KALRN: variants seen among roughly 807,000 people sequenced by gnomAD.
KALRN encodes kalirin.
KALRN carries 70 observed loss-of-function variants against 353.7 expected under a neutral mutation model. That is an observed-to-expected ratio of 0.20 (90% confidence interval 0.16 to 0.24). The LOEUF is 0.24. Among genes scored for constraint, KALRN ranks in the 10% least tolerant of loss-of-function variants. The pLI is 1.00. For missense variants in KALRN, 2,791 were observed against 3,756.7 expected, an observed-to-expected ratio of 0.74 and a Z score of 6.72; for synonymous variants, 1,391 against 1,434.8, an observed-to-expected ratio of 0.97 and a Z score of 0.69.
intron 27 of KALRN, among the ~76,000 whole-genome samples, chr3:124,480,628 A>G (rs1031412378): frequency 2.0e-5 from 3 of 152,122 alleles, no homozygotes; most frequent in Non-Finnish European, 2.9e-5. Flanking sequence ...ATGTGCAACC[A>G]TCCCTTCAGT....
At chr3:124,262,417 T>C (rs536874901) in intron 3 of KALRN, among the ~76,000 whole-genome samples, 4 of 152,354 alleles carry the variant, frequency 2.6e-5, no homozygotes, top group Admixed American at 6.5e-5. Flanking sequence ...TCTCTTATAA[T>C]GGGAAAGAAA....
chr3:124,666,654 T>C lies in KALRN; in HGVS notation c.6531+20T>C. ...ATCAAGGTGAGGATCCCAATGGTGA[T>C]GAGAAGAGGCAAGGAAGAGCCCAGT... is the stretch of plus-strand genomic sequence containing the variant. On this transcript the variant is annotated intron_variant, in intron 46 of 59. Transcript: ENST00000682506. 1 of 1,607,800 alleles carries C rather than the reference T, an allele frequency of 6.2e-7. No homozygotes were observed. The highest frequency in any genetic ancestry group is 8.5e-7 in the Non-Finnish European group (1 of 1,174,874).
intron 1 of KALRN, among the ~76,000 whole-genome samples, chr3:124,050,800 T>G (rs1228723619): frequency 6.6e-6 from 1 of 152,176 alleles, no homozygotes; most frequent in Non-Finnish European, 1.5e-5. Flanking sequence ...CTTAATATGT[T>G]AGTGGGAGCT....
At chr3:124,235,520 G>C (rs1455770589) in intron 3 of KALRN, among the ~76,000 whole-genome samples, 1 of 152,198 alleles carries the variant, frequency 6.6e-6, no homozygotes, top group Non-Finnish European at 1.5e-5. Flanking sequence ...GAAGAGAAGA[G>C]AGCTTCACTT....
At position 124,605,996 on chromosome 3, in the gene KALRN, T is replaced by G. The variant is rs531393992; in HGVS notation, c.5183-26424T>G. On this transcript the variant is annotated intron_variant, in intron 34 of 59. Coordinates refer to ENST00000682506, the MANE Select transcript of KALRN (RefSeq NM_001388419.1). ...GAGGCTTGATTGGAAAACCTACTTC[T>G]GATTAACCACCAACTTCACCCTCCT... is the stretch of plus-strand genomic sequence containing the variant. Among the ~76,000 whole-genome samples, 25 of 152,278 alleles carry G rather than the reference T, an allele frequency of 1.6e-4. 1 individual carries two copies. The highest frequency in any genetic ancestry group is 6.0e-4 in the African/African-American group (25 of 41,554).
In KALRN at chr3:124,720,684, C is replaced by G. The variant is rs910040072; in HGVS notation, c.*1214C>G. 3.3e-5 allele frequency: 5 copies of G among 152,434 alleles called. No individual in the cohort carries two copies. Among genetic ancestry groups the G allele is most frequent in the African/African-American group, 1.2e-4 (5 of 41,456 alleles). The allele number at this position is 152,434 out of a possible 1,614,324, so 9.4% of individuals were successfully genotyped here. On this transcript the variant is annotated 3_prime_UTR_variant, in exon 60 of 60. Transcript: ENST00000682506. Reference sequence around the variant, plus strand: ...TGTCACCATGCAGCCGCTGATAGTTCTCTGAACTAAAAGGACTAATTGTAC... The same window carrying G: ...TGTCACCATGCAGCCGCTGATAGTTGTCTGAACTAAAAGGACTAATTGTAC...
At chr3:124,195,181 A>T (rs2075307639) in intron 1 of KALRN, among the ~76,000 whole-genome samples, 1 of 152,172 alleles carries the variant, frequency 6.6e-6, no homozygotes, top group Non-Finnish European at 1.5e-5. Context: ...CATTTTTACT[A>T]TAGCCCCTCA....
At chr3:124,707,427 T>TTCCTTCCTTCCTTCCTTCCC (rs1299062158) in intron 57 of KALRN, among the ~76,000 whole-genome samples, 1 of 132,486 alleles carries the variant, frequency 7.5e-6, no homozygotes, top group Non-Finnish European at 1.7e-5. Flanking sequence ...CCTTCCTTCC[T>TTCCTTCCTTCCTTCCTTCCC]TCCTTCCTTC....
At chr3:124,687,176 G>A (rs901644931) in intron 51 of KALRN, among the ~76,000 whole-genome samples, 3 of 151,972 alleles carry the variant, frequency 2.0e-5, no homozygotes, top group African/African-American at 7.3e-5. Flanking sequence ...AGGGGATTGG[G>A]GCATAATCAG....
chr3:124,097,976 G>T (rs1015242188), intron 1 of KALRN, among the ~76,000 whole-genome samples: 1 of 152,174 alleles, frequency 6.6e-6, no homozygotes, highest in Non-Finnish European at 1.5e-5. Context: ...CAAAAGAAAA[G>T]AGCTCATAGA....
chr3:124,216,323 T>A (rs1037863834), intron 1 of KALRN, among the ~76,000 whole-genome samples: 17 of 152,166 alleles, frequency 1.1e-4, no homozygotes, highest in Non-Finnish European at 2.2e-4. Flanking sequence ...GAAAATAGGA[T>A]CTAGTGGTTT....
intron 34 of KALRN, among the ~76,000 whole-genome samples, chr3:124,607,336 G>A (rs902562275): frequency 2.6e-5 from 4 of 152,158 alleles, no homozygotes; most frequent in African/African-American, 4.8e-5. Flanking sequence ...AACAAACTGT[G>A]TGTCTATGTG....
intron 10 of KALRN, among the ~76,000 whole-genome samples, chr3:124,372,204 G>A (rs1289299627): frequency 6.6e-6 from 1 of 151,928 alleles, no homozygotes; most frequent in Non-Finnish European, 1.5e-5. Flanking sequence ...TCTAAACAAT[G>A]CCCTGCATAT....
intron 51 of KALRN, among the ~76,000 whole-genome samples, chr3:124,686,056 A>G (rs1467973921): frequency 2.6e-5 from 4 of 152,226 alleles, no homozygotes; most frequent in Non-Finnish European, 5.9e-5. Context: ...CGAACAATGT[A>G]AGATTGGTTC....
At chr3:124,384,814 C>T in intron 10 of KALRN, 31 bp from the exon 11 acceptor site, 2 of 1,547,706 alleles carry the variant, frequency 1.3e-6, no homozygotes, top group Non-Finnish European at 1.8e-6. Context: ...GCGACTGCAA[C>T]TTGACTTTGC....
chr3:124,530,417 T>G (rs536628274), intron 33 of KALRN, among the ~76,000 whole-genome samples: 2 of 152,160 alleles, frequency 1.3e-5, no homozygotes, highest in Admixed American at 1.3e-4. Context: ...GTTGTTTTTG[T>G]TTTTTTATTT....
chr3:124,440,626 AT>A (rs1180717009), intron 18 of KALRN, among the ~76,000 whole-genome samples: 6 of 150,722 alleles, frequency 4.0e-5, no homozygotes, highest in African/African-American at 1.2e-4. Flanking sequence ...TTATATAATA[AT>A]TTTTAATTAT....
intron 1 of KALRN, among the ~76,000 whole-genome samples, chr3:124,108,091 A>G (rs953040493): frequency 1.3e-5 from 2 of 152,186 alleles, no homozygotes; most frequent in African/African-American, 4.8e-5. Flanking sequence ...TGTTTGGCCA[A>G]TTGCAGTCCA....
At chr3:124,201,327 G>A (rs2075923582) in intron 1 of KALRN, among the ~76,000 whole-genome samples, 1 of 152,190 alleles carries the variant, frequency 6.6e-6, no homozygotes, top group African/African-American at 2.4e-5. Context: ...GGCTGAACTT[G>A]GGCTCAGAAG....
Sources: gnomAD v4.1 joint callset for allele counts (sites outside exome capture counted in the v4.1 genomes callset) on GRCh38, gnomAD v4.1.1 for gene constraint, MANE v1.5 for transcripts, NCBI Gene and HGNC (gene_info 2026-07-23, HGNC 2026-07-21) for gene names.